The following ADGRB1 variants were observed in gnomAD, a reference collection of about 807,000 sequenced individuals.
The protein encoded by ADGRB1 is brain-specific angiogenesis inhibitor 1.
Under a neutral mutation model 175.7 loss-of-function variants are expected in ADGRB1, and 36 were observed. The ratio of observed to expected loss-of-function variants is 0.20; its 90% CI spans 0.16 to 0.27. The LOEUF (loss-of-function observed/expected upper bound fraction) is 0.27, where lower values mean the gene tolerates loss of function less well. ADGRB1 is among the 10% of genes least tolerant of loss of function. ADGRB1 has a pLI of 1.00. For missense variants in ADGRB1, 1,731 were observed against 2,255.3 expected (o/e 0.77, Z 4.71); for synonymous variants, 1,054 against 979.4 (o/e 1.08, Z -1.42).
At chr8:142,476,536 G>C (rs1433632767) in intron 3 of ADGRB1, 49 bp from the exon 4 acceptor site, 11 of 1,502,124 alleles carry the variant, frequency 7.3e-6, no homozygotes, top group Non-Finnish European at 9.0e-6. Context: ...CAGAGAGAGA[G>C]GACGGGGGCA....
At chr8:142,488,595 C>A in intron 14 of ADGRB1, 88 bp downstream of exon 14, 1 of 1,529,390 alleles carries the variant, frequency 6.5e-7, no homozygotes. Flanking sequence ...AGTCTAGCTG[C>A]TGCCTCAGAG....
chr8:142,475,393 G>A, intron 2 of ADGRB1, 81 bp from the exon 3 acceptor site: 4 of 1,228,160 alleles, frequency 3.3e-6, no homozygotes, highest in Non-Finnish European at 4.1e-6. Context: ...GGCCTCGGCG[G>A]GCTTAGCACC....
intron 2 of ADGRB1, among the ~76,000 whole-genome samples, chr8:142,470,572 TGGTCTGTGTGC>T (rs1446978482): frequency 1.3e-5 from 2 of 152,032 alleles, no homozygotes; most frequent in Non-Finnish European, 2.9e-5. Flanking sequence ...TCCCTGTGTG[TGGTCTGTGTGC>T]CTGTGTGTCC....
In ADGRB1 at chr8:142,474,823, T is replaced by C. The variant is rs1428933638; in HGVS notation, c.785-651T>C. Among the ~76,000 whole-genome samples the C allele has an allele frequency of 6.6e-6, 1 of 152,024 alleles. No homozygotes were observed. The highest frequency in any genetic ancestry group is 2.4e-5 in the African/African-American group (1 of 41,376). Reference sequence around the variant, plus strand: ...GCGGGGAGGCGCCTGCAGGCATTTATCCCAGGCTCCCTCCTCGGGTGGCCA... The same window carrying C: ...GCGGGGAGGCGCCTGCAGGCATTTACCCCAGGCTCCCTCCTCGGGTGGCCA... On this transcript the variant is annotated intron_variant, in intron 2 of 30. Transcript: ENST00000517894. This position sits in a 1 kb window ranked among gnomAD's most constrained non-coding sequence, Gnocchi z 5.8.
At position 142,543,855 on chromosome 8, in the gene ADGRB1, C is replaced by T. The variant is rs1007429471; in HGVS notation, c.4557+147C>T. 9 of 888,104 alleles carry T rather than the reference C, an allele frequency of 1.0e-5. No individual in the cohort carries two copies. Among genetic ancestry groups the T allele is most frequent in the Non-Finnish European group, 1.6e-5 (9 of 569,352 alleles). The allele number at this position is 888,104 out of a possible 1,614,324, so 55.0% of individuals were successfully genotyped here. ...TCATTCATTCGCCCATCCCTGAGGG[C>T]TGGCCTGACCCTGCCATGCCAGACT... On this transcript the variant is annotated intron_variant, in intron 30 of 30. Coordinates refer to ENST00000517894, the MANE Select transcript of ADGRB1 (RefSeq NM_001702.3). The surrounding 1 kb of genome is among the most constrained non-coding windows in gnomAD (Gnocchi z 4.4).
At chr8:142,519,787 T>A (rs1443573878) in intron 19 of ADGRB1, among the ~76,000 whole-genome samples, 1 of 147,884 alleles carries the variant, frequency 6.8e-6, no homozygotes, top group Non-Finnish European at 1.5e-5. Flanking sequence ...ATGGTGATGG[T>A]GGTAGTGGTG....
At chr8:142,535,100 G>A (rs1005688677) in intron 25 of ADGRB1, among the ~76,000 whole-genome samples, 1 of 152,256 alleles carries the variant, frequency 6.6e-6, no homozygotes, top group Admixed American at 6.5e-5. Flanking sequence ...TCAAAGCTCA[G>A]TAGAAGGAAA....
intron 20 of ADGRB1, among the ~76,000 whole-genome samples, chr8:142,521,599 G>A (rs77248631): frequency 3.9e-5 from 6 of 152,236 alleles, no homozygotes; most frequent in Non-Finnish European, 7.3e-5. Flanking sequence ...GGTTGCCTGC[G>A]ACTTGCTGTG....
intron 24 of ADGRB1, among the ~76,000 whole-genome samples, chr8:142,529,661 T>C (rs1056358668): frequency 2.1e-5 from 3 of 145,188 alleles, no homozygotes; most frequent in African/African-American, 7.9e-5. Context: ...CGTGTGTGAG[T>C]GTGCATCTGT....
Position 142,543,300 on chromosome 8 carries a change from G to T in ADGRB1, c.4414-103G>T. On this transcript the variant is annotated intron_variant, in intron 28 of 30. Coordinates refer to ENST00000517894, the MANE Select transcript of ADGRB1 (RefSeq NM_001702.3). This position sits in a 1 kb window ranked among gnomAD's most constrained non-coding sequence, Gnocchi z 4.4. ...GGTCTGGCCTGGTCCCTGAAGGCAGGCATGGGGCGAGTGAGTCCCTGATGC... is the reference window on the plus strand; with the variant it reads ...GGTCTGGCCTGGTCCCTGAAGGCAGTCATGGGGCGAGTGAGTCCCTGATGC... The T allele has an allele frequency of 6.8e-7, 1 of 1,480,908 alleles. No individual in the cohort carries two copies. Among genetic ancestry groups the T allele is most frequent in the Non-Finnish European group, 9.3e-7 (1 of 1,078,886 alleles). The allele number at this position is 1,480,908 out of a possible 1,614,324, so 91.7% of individuals were successfully genotyped here. A position where few individuals can be genotyped will look rare whatever the true frequency, so the allele number is the denominator to read the frequency against.
chr8:142,472,187 C>G (rs1199100199), intron 2 of ADGRB1, among the ~76,000 whole-genome samples: 1 of 152,188 alleles, frequency 6.6e-6, no homozygotes, highest in East Asian at 1.9e-4. Context: ...TCCCCCGCAC[C>G]CCCATCCCAG....
chr8:142,539,151 C>T (rs956379024), intron 26 of ADGRB1, among the ~76,000 whole-genome samples: 1 of 152,198 alleles, frequency 6.6e-6, no homozygotes, highest in Non-Finnish European at 1.5e-5. Flanking sequence ...CAAACACGCA[C>T]GCATACACTC....
chr8:142,544,583 A>G lies in ADGRB1; in HGVS notation c.*166A>G, dbSNP rs1587459828. ...GCACAGGGCCCGCAGTGCTGGGACC[A>G]GAGCCAGATGCAGGACAGGAGGCGG... On this transcript the variant is annotated 3_prime_UTR_variant, in exon 31 of 31. Transcript: ENST00000517894. The G allele has an allele frequency of 1.2e-6, 1 of 806,764 alleles. No individual in the cohort carries two copies. Among genetic ancestry groups the G allele is most frequent in the East Asian group, 3.5e-5 (1 of 28,280 alleles). 50.0% of individuals were successfully genotyped at this position (806,764 alleles called of 1,614,324 possible).
chr8:142,469,572 C>A (rs1482858363), intron 2 of ADGRB1, among the ~76,000 whole-genome samples: 12 of 128,430 alleles, frequency 9.3e-5, no homozygotes, highest in East Asian at 7.1e-4. Flanking sequence ...AATGTGTGTG[C>A]ATGTGTGCAT....
Position 142,537,034 on chromosome 8 carries a change from C to A in ADGRB1, c.3618C>A (p.Gly1206=). The change falls in exon 26 of 31, where the codon GGC becomes GGA. Residue 1206 remains glycine, a synonymous_variant. Transcript: ENST00000517894. This position sits in a 1 kb window ranked among gnomAD's most constrained non-coding sequence, Gnocchi z 4.6. ...KCRVVDRQEE[G]NGDSGGSFQN... The stretch of plus-strand genomic sequence containing the variant: ...GTGTGGTTGACCGGCAGGAGGAGGG[C>A]AACGGGGACTCAGGGGGCTCCTTCC... 1 of 1,589,442 alleles carries A rather than the reference C, an allele frequency of 6.3e-7. No individual in the cohort carries two copies. The highest frequency in any genetic ancestry group is 8.6e-7 in the Non-Finnish European group (1 of 1,168,342).
rs1345738205 is a variant in ADGRB1, at chr8:142,479,414, G to A, written c.1653G>A (p.Gly551=). The A allele has an allele frequency of 3.2e-6, 5 of 1,548,432 alleles. No homozygotes were observed. The highest frequency in any genetic ancestry group is 4.3e-6 in the Non-Finnish European group (5 of 1,152,320). The part of the protein sequence containing the change: ...GSQRRERVCS[G]PFFGGAACQG... Reference sequence around the variant, plus strand: ...AGCGACGGGAGCGTGTCTGCTCTGGGCCCTTCTTCGGGGGAGCAGCCTGCC... The same window carrying A: ...AGCGACGGGAGCGTGTCTGCTCTGGACCCTTCTTCGGGGGAGCAGCCTGCC... The change falls in exon 8 of 31, where the codon GGG becomes GGA. Residue 551 remains glycine, a synonymous_variant. Transcript: ENST00000517894.
intron 1 of ADGRB1, among the ~76,000 whole-genome samples, chr8:142,459,130 CTCAGGGG>C (rs2131642659): frequency 6.6e-6 from 1 of 152,348 alleles, no homozygotes; most frequent in East Asian, 1.9e-4. Context: ...ATGGGGTGGG[CTCAGGGG>C]TCAGCCCGGC....
Position 142,492,190 on chromosome 8 carries a change from C to T in ADGRB1, c.2675+1375C>T, listed in dbSNP as rs985806708. Among the ~76,000 whole-genome samples, 1 of 151,990 alleles carries T rather than the reference C, an allele frequency of 6.6e-6. No individual in the cohort carries two copies. The highest frequency in any genetic ancestry group is 1.5e-5 in the Non-Finnish European group (1 of 67,994). ...CTGTTCTTTAATCTATATCCACTGC[C>T]ACCACCTTCTACCCACCACCCATCC... On this transcript the variant is annotated intron_variant, in intron 17 of 30. Transcript: ENST00000517894. The surrounding 1 kb of genome is among the most constrained non-coding windows in gnomAD (Gnocchi z 4.4).
At position 142,542,581 on chromosome 8, in the gene ADGRB1, G is replaced by A. The variant is rs561524272; in HGVS notation, c.4347G>A (p.Pro1449=). ...LGDPGEPAAH[P]GPSTGPSTKN... ...ATCCCGGGGAGCCTGCCGCCCATCCGGGACCCAGCACGGGGCCCAGCACCA... is the reference window on the plus strand; with the variant it reads ...ATCCCGGGGAGCCTGCCGCCCATCCAGGACCCAGCACGGGGCCCAGCACCA... Residue 1449 remains proline (P), a synonymous_variant, in exon 28 of 31, where the codon CCG becomes CCA. Coordinates refer to ENST00000517894, the MANE Select transcript of ADGRB1 (RefSeq NM_001702.3). The surrounding 1 kb of genome is among the most constrained non-coding windows in gnomAD (Gnocchi z 6.3). 3.0e-5 allele frequency: 46 copies of A among 1,517,872 alleles called. No individual in the cohort carries two copies. The highest frequency in any genetic ancestry group is 8.2e-5 in the East Asian group (3 of 36,758). 94.0% of individuals were successfully genotyped at this position (1,517,872 alleles called of 1,614,324 possible). A position where few individuals can be genotyped will look rare whatever the true frequency, so the allele number is the denominator to read the frequency against.
Sources: allele counts gnomAD v4.1 joint callset (sites outside exome capture counted in the v4.1 genomes callset), GRCh38; gene constraint gnomAD v4.1.1; non-coding constraint Gnocchi (gnomAD v3.1); transcripts MANE v1.5; gene names NCBI Gene and HGNC (gene_info 2026-07-23, HGNC 2026-07-21).